The following DNAH2 variants were observed in gnomAD, a reference collection of about 807,000 sequenced individuals.
DNAH2 encodes the protein axonemal beta dynein heavy chain 2.
Under a neutral mutation model 523.5 loss-of-function variants are expected in DNAH2, and 323 were observed. The ratio of observed to expected loss-of-function variants is 0.62; its 90% confidence interval spans 0.56 to 0.68. DNAH2 has a LOEUF of 0.68. DNAH2 is among the 30% of genes least tolerant of loss of function. DNAH2 has a pLI of 0.00. For synonymous variants in DNAH2, 2,093 were observed against 2,177.4 expected (o/e 0.96, Z 1.08); for missense variants, 4,907 against 5,701.5 (o/e 0.86, Z 4.49).
In DNAH2 at chr17:7,801,065, G is replaced by C. The variant is rs140478917; in HGVS notation, c.8700-513G>C. ...TTTTCGTACTTTTTGTAGAGATGGG[G>C]TTTCGCCATGTTGCCTAGGATGGTT... On this transcript the variant is annotated intron_variant, in intron 56 of 85. Coordinates refer to ENST00000572933, the MANE Select transcript of DNAH2 (RefSeq NM_020877.5). Among the ~76,000 whole-genome samples the C allele has an allele frequency of 1.7e-3, 252 of 151,714 alleles. 2 individuals are homozygous for C. Among genetic ancestry groups the C allele is most frequent in the African/African-American group, 5.7e-3 (236 of 41,420 alleles).
intron 2 of DNAH2, among the ~76,000 whole-genome samples, chr17:7,723,300 TCTCA>T (rs749758868): frequency 7.8e-4 from 74 of 95,236 alleles, no homozygotes; most frequent in Non-Finnish European, 1.2e-3. Flanking sequence ...TGAGACAGGG[TCTCA>T]CTCTGTCACT....
At chr17:7,743,308 T>A (rs780757380) in intron 12 of DNAH2, 166 bp downstream of exon 12, 10 of 759,640 alleles carry the variant, frequency 1.3e-5, no homozygotes, top group Non-Finnish European at 2.3e-5. Context: ...TTTTTGTCTC[T>A]CCCCACCTCC....
chr17:7,776,187 TG>T (rs747540238), intron 31 of DNAH2, 38 bp downstream of exon 31: 26 of 1,605,062 alleles, frequency 1.6e-5, no homozygotes, highest in Middle Eastern at 1.9e-4. Context: ...AACAAGGGGC[TG>T]GGCACGGTGG....
chr17:7,796,837 T>G (rs2077077231), intron 50 of DNAH2, among the ~76,000 whole-genome samples, 185 bp downstream of exon 50: 1 of 148,080 alleles, frequency 6.8e-6, no homozygotes, highest in African/African-American at 2.5e-5. Flanking sequence ...CACCTGTAAT[T>G]CCAGCACTTT....
intron 63 of DNAH2, among the ~76,000 whole-genome samples, chr17:7,815,985 G>C (rs1213163564): frequency 6.6e-6 from 1 of 152,116 alleles, no homozygotes; most frequent in Non-Finnish European, 1.5e-5. Context: ...TTTTTGAATA[G>C]AGGCGGGGTC....
chr17:7,725,441 T>TATATATATATATATA (rs398119671), intron 3 of DNAH2, among the ~76,000 whole-genome samples: 12 of 136,916 alleles, frequency 8.8e-5, no homozygotes, highest in Non-Finnish European at 1.4e-4. Context: ...TATATATATA[T>TATATATATATATATA]TTTCTTTTTG....
chr17:7,830,270 C>T (rs370664168), intron 77 of DNAH2, 30 bp from the exon 78 acceptor site: 104 of 1,596,518 alleles, frequency 6.5e-5, no homozygotes, highest in Non-Finnish European at 8.5e-5. Flanking sequence ...TGATGCATGT[C>T]ACCCCATCTT....
chr17:7,761,020 A>C, intron 18 of DNAH2, 88 bp downstream of exon 18: 1 of 1,494,760 alleles, frequency 6.7e-7, no homozygotes, highest in South Asian at 1.3e-5. Context: ...GGAAGTGGGT[A>C]GGGGAGCTGA....
chr17:7,798,081 A>G lies in DNAH2; in HGVS notation c.8231-76A>G. ...CTCTGCTTCAGTTTCAGGGGCCCCA[A>G]TCCCTAGCCTAGGGCCTGGAGGTCC... On this transcript the variant is annotated intron_variant, in intron 53 of 85. Coordinates refer to ENST00000572933, the MANE Select transcript of DNAH2 (RefSeq NM_020877.5). This position sits in a 1 kb window ranked among gnomAD's most constrained non-coding sequence, Gnocchi z 5.5. 14 of 1,505,732 alleles carry G rather than the reference A, an allele frequency of 9.3e-6. No homozygotes were observed. The highest frequency in any genetic ancestry group is 1.2e-5 in the Non-Finnish European group (14 of 1,129,850). 93.3% of individuals were successfully genotyped at this position (1,505,732 alleles called of 1,614,324 possible).
At chr17:7,770,439 C>T (rs766741291) in intron 25 of DNAH2, 31 bp downstream of exon 25, 1 of 1,611,326 alleles carries the variant, frequency 6.2e-7, no homozygotes, top group Non-Finnish European at 8.5e-7. Flanking sequence ...GCTCCCACAC[C>T]TCCTGCGCCT....
chr17:7,758,972 A>G lies in DNAH2; in HGVS notation c.2296A>G (p.Ile766Val). ...GATGTCAGAGAAGCTGCTGGTACGC[A>G]TTAGTGGCAAACGGGTATACAGGGA... ...QEMSEKLLVR[I>V]SGKRVYRDLE... Residue 766 changes from isoleucine to valine, a missense_variant, in exon 15 of 86, where the codon ATT (isoleucine) becomes GTT (valine). Ile to Val is a conservative substitution (Grantham distance 29). Around this residue, in one of 3 missense-constraint regions of DNAH2, gnomAD observed 2,806 missense variants for 3,190.8 expected, o/e 0.88. Transcript: ENST00000572933. 2 of 1,614,140 alleles carry G rather than the reference A, an allele frequency of 1.2e-6. No homozygotes were observed. Among genetic ancestry groups the G allele is most frequent in the Non-Finnish European group, 1.7e-6 (2 of 1,180,036 alleles).
intron 74 of DNAH2, 94 bp downstream of exon 74, chr17:7,823,722 C>G: frequency 6.3e-7 from 1 of 1,577,824 alleles, no homozygotes; most frequent in Non-Finnish European, 8.6e-7. Flanking sequence ...CCTCTCCCAG[C>G]TGGTGCCTGC....
intron 15 of DNAH2, 72 bp downstream of exon 15, chr17:7,759,196 T>A (rs1407809551): frequency 1.3e-6 from 2 of 1,592,422 alleles, no homozygotes; most frequent in Non-Finnish European, 1.7e-6. Flanking sequence ...GCCATTCTCT[T>A]GCTCCCCGAC....
chr17:7,739,242 C>T (rs974385483), intron 8 of DNAH2, among the ~76,000 whole-genome samples: 1 of 152,136 alleles, frequency 6.6e-6, no homozygotes, highest in Non-Finnish European at 1.5e-5. Context: ...CCCGTCTCTA[C>T]TAAAAATACA....
chr17:7,731,713 A>G (rs2074993558), intron 4 of DNAH2, among the ~76,000 whole-genome samples: 1 of 152,148 alleles, frequency 6.6e-6, no homozygotes, highest in Non-Finnish European at 1.5e-5. Flanking sequence ...CTTCACAAAA[A>G]TAATAGTTGT....
At position 7,760,783 on chromosome 17, in the gene DNAH2, C is replaced by T. The variant is rs751600454; in HGVS notation, c.2829C>T (p.Ser943=). The T allele has an allele frequency of 1.2e-5, 19 of 1,613,978 alleles. No homozygotes were observed. The highest frequency in any genetic ancestry group is 4.4e-5 in the South Asian group (4 of 91,082). The change falls in exon 18 of 86, where the codon AGC becomes AGT. Residue 943 remains serine (S), a synonymous_variant. Coordinates refer to ENST00000572933, the MANE Select transcript of DNAH2 (RefSeq NM_020877.5). The surrounding 1 kb of genome is among the most constrained non-coding windows in gnomAD (Gnocchi z 4.0). ...DIKKIQTQIS[S]GMTNNASLLQ... is the part of the protein sequence containing the mutation. ...AGAAGATCCAGACCCAAATCAGCAGCGGCATGACTAACAACGCAAGCCTGC... is the reference window on the plus strand; with the variant it reads ...AGAAGATCCAGACCCAAATCAGCAGTGGCATGACTAACAACGCAAGCCTGC...
intron 44 of DNAH2, among the ~76,000 whole-genome samples, chr17:7,789,245 A>G (rs1308041006): frequency 6.6e-6 from 1 of 152,230 alleles, no homozygotes; most frequent in Admixed American, 6.5e-5. Flanking sequence ...CGAGTTATCA[A>G]TGGCCCACAG....
Position 7,832,660 on chromosome 17 carries a change from C to G in DNAH2, c.12808C>G (p.Arg4270Gly). ...RVEQFELWASRARPPVIFWLS... is the reference protein window; with the variant it reads ...RVEQFELWASGARPPVIFWLS... ...GGAGCAGTTTGAGCTGTGGGCCAGC[C>G]GGGCCCGGCCTCCTGTGATCTTCTG... The change falls in exon 83 of 86, where the codon CGG (arginine) becomes GGG (glycine). Residue 4270 changes from arginine to glycine, a missense_variant. Arg to Gly is a moderately radical substitution (Grantham distance 125). Coordinates refer to ENST00000572933, the MANE Select transcript of DNAH2 (RefSeq NM_020877.5). This position sits in a 1 kb window ranked among gnomAD's most constrained non-coding sequence, Gnocchi z 4.3. The G allele has an allele frequency of 1.2e-6, 2 of 1,614,152 alleles. No individual in the cohort carries two copies. Among genetic ancestry groups the G allele is most frequent in the Admixed American group, 1.7e-5 (1 of 60,030 alleles).
intron 28 of DNAH2, among the ~76,000 whole-genome samples, chr17:7,771,900 A>G (rs1286282269): frequency 6.6e-5 from 10 of 151,982 alleles, no homozygotes; most frequent in Non-Finnish European, 1.0e-4. Flanking sequence ...TATTTTTAGT[A>G]GAGATGGCGT....
Sources: allele counts gnomAD v4.1 joint callset (sites outside exome capture counted in the v4.1 genomes callset), GRCh38; gene constraint gnomAD v4.1.1; regional missense constraint gnomAD v4.1.1; non-coding constraint Gnocchi (gnomAD v3.1); transcripts MANE v1.5; gene names NCBI Gene and HGNC (gene_info 2026-07-23, HGNC 2026-07-21).